The following COX15 variants were observed in gnomAD, a reference collection of about 807,000 sequenced individuals.
COX15 encodes the protein cytochrome c oxidase assembly factor COX15.
Under a neutral mutation model 51.9 loss-of-function variants are expected in COX15, and 51 were observed. The ratio of observed to expected loss-of-function variants is 0.98; its 90% CI spans 0.78 to 1.24. The LOEUF (loss-of-function observed/expected upper bound fraction) is 1.24. COX15 is among the 50% of genes most tolerant of loss of function. The probability of loss-of-function intolerance (pLI) is 0.00; values close to 1 mark genes in which losing one functional copy is unlikely to be tolerated. For missense variants in COX15, 420 were observed against 501.1 expected (o/e 0.84, Z 1.55); for synonymous variants, 188 against 190.5 (o/e 0.99, Z 0.11).
rs747635630 is a variant in COX15, at chr10:99,718,364, C to G, written c.969G>C (p.Gln323His). 1.9e-6 allele frequency: 3 copies of G among 1,614,026 alleles called. No individual in the cohort carries two copies. In the African/African-American group the frequency reaches 4.0e-5, roughly 22 times the overall value. Reference sequence around the variant, plus strand: ...CACTTACCAGAATCCGGTGATCAAACTGCACCATGGTGGGATTCTCAAAAA... The same window carrying G: ...CACTTACCAGAATCCGGTGATCAAAGTGCACCATGGTGGGATTCTCAAAAA... ...RNVFENPTMV[Q>H]FDHRILGITS... Residue 323 changes from glutamine (Q) to histidine (H), a missense_variant, in exon 7 of 9, where the codon CAG becomes CAC. Coordinates refer to ENST00000016171, the MANE Select transcript of COX15 (RefSeq NM_078470.6).
At chr10:99,706,424 C>T (rs1406022783), downstream of COX15, among the ~76,000 whole-genome samples, 2 of 152,030 alleles carry the variant, frequency 1.3e-5, no homozygotes, top group Admixed American at 6.6e-5. Flanking sequence ...CAGCCTCAAC[C>T]TCCTGGGCTC....
chr10:99,725,046 A>G (rs1288696893), intron 4 of COX15, among the ~76,000 whole-genome samples: 2 of 152,244 alleles, frequency 1.3e-5, no homozygotes, highest in African/African-American at 2.4e-5. Flanking sequence ...GTTGGTAATG[A>G]ACGTACAGAT....
rs1457687053 is a variant in COX15 at position 99,712,654 on chromosome 10, A to G, written c.*1933T>C. On this transcript the variant is annotated 3_prime_UTR_variant, in exon 9 of 9. Transcript: ENST00000016171. Reference sequence around the variant, plus strand: ...TTCAAAAAGCAAAACAAAAACCCAGAAGATCTAACAACCCTGGACCTGTAG... The same window carrying G: ...TTCAAAAAGCAAAACAAAAACCCAGGAGATCTAACAACCCTGGACCTGTAG... The G allele has an allele frequency of 1.3e-5, 13 of 973,676 alleles. No individual in the cohort carries two copies. The African/African-American group carries it at 2.3e-4, about 17-fold the overall frequency. The allele number at this position is 973,676 out of a possible 1,614,324, so 60.3% of individuals were successfully genotyped here.
intron 6 of COX15, 123 bp from the exon 7 acceptor site, chr10:99,718,623 A>C (rs1187072449): frequency 1.0e-6 from 1 of 982,352 alleles, no homozygotes; most frequent in East Asian, 2.4e-5. Flanking sequence ...AGAATAATAG[A>C]CATATCTGCA....
the COX15 span, among the ~76,000 whole-genome samples, chr10:99,699,405 T>C: frequency 6.6e-6 from 1 of 152,190 alleles, no homozygotes; most frequent in Non-Finnish European, 1.5e-5. Context: ...TCTGAGCATA[T>C]ATAGGACTTA....
At chr10:99,697,681 G>A in the COX15 span, 1 of 159,844 alleles carries the variant, frequency 6.3e-6, no homozygotes, top group African/African-American at 2.4e-5. Context: ...GTCGGTTCCA[G>A]TTGTTGTAAA....
In COX15 at chr10:99,715,986, CTT is replaced by C. The variant is rs35354032; in HGVS notation, c.1101+360_1101+361del. 3.4e-3 allele frequency among the ~76,000 whole-genome samples: 437 copies of C among 130,144 alleles called. 3 individuals carry two copies. The highest frequency in any genetic ancestry group is 4.8e-3 in the Admixed American group (59 of 12,388). 85.4% of individuals were successfully genotyped at this position (130,144 alleles called of 152,430 possible). On this transcript the variant is annotated intron_variant, in intron 8 of 8. Transcript: ENST00000016171. The stretch of plus-strand genomic sequence containing the variant: ...ATTTTCTCCTAGTCTGTCACCTTTC[CTT>C]TTTTTTTTTTTTTTTTTTAAACAGA...
Position 99,713,435 on chromosome 10 carries a change from A to T in COX15, c.*1152T>A. ...CAAATCAGATGTTTCTGATGCCTTC[A>T]TCCAAATCACTGATTTTAAAAGTAA... On this transcript the variant is annotated 3_prime_UTR_variant, in exon 9 of 9. Coordinates refer to ENST00000016171, the MANE Select transcript of COX15 (RefSeq NM_078470.6). 1 of 1,613,944 alleles carries T rather than the reference A, an allele frequency of 6.2e-7. No homozygotes were observed. The highest frequency in any genetic ancestry group is 8.5e-7 in the Non-Finnish European group (1 of 1,179,992).
Position 99,711,116 on chromosome 10 carries a change from G to A in COX15, c.*3471C>T. 1.0e-6 allele frequency: 1 copy of A among 984,318 alleles called. No individual in the cohort carries two copies. The highest frequency in any genetic ancestry group is 1.2e-6 in the Non-Finnish European group (1 of 829,376). The allele number at this position is 984,318 out of a possible 1,614,324, so 61.0% of individuals were successfully genotyped here. ...AACATAAATACAAAAAAAACCCTAA[G>A]ATAATCATTCACCAGAAGCTCATAG... On this transcript the variant is annotated 3_prime_UTR_variant, in exon 9 of 9. Transcript: ENST00000016171.
intron 8 of COX15, 59 bp from the exon 9 acceptor site, chr10:99,714,777 T>C (rs1309732292): frequency 5.6e-6 from 9 of 1,606,132 alleles, no homozygotes; most frequent in Non-Finnish European, 7.6e-6. Flanking sequence ...ACATTGAAAA[T>C]GGCCAGGCGT....
At chr10:99,710,422 A>G (rs1344556421), downstream of COX15, 1 of 980,708 alleles carries the variant, frequency 1.0e-6, no homozygotes, top group African/African-American at 1.8e-5. Context: ...TGCGGAGTGT[A>G]GTGAAAGACA....
intron 4 of COX15, among the ~76,000 whole-genome samples, chr10:99,726,249 A>G (rs185507711): frequency 6.6e-6 from 1 of 152,286 alleles, no homozygotes; most frequent in East Asian, 1.9e-4. Flanking sequence ...TCTTTCCTAT[A>G]GCAGACAAGT....
At chr10:99,708,744 C>A, downstream of COX15, 1 of 776,230 alleles carries the variant, frequency 1.3e-6, no homozygotes, top group Non-Finnish European at 1.6e-6. Flanking sequence ...TCTGGTCAAC[C>A]CCCTTGATTT....
the COX15 span, chr10:99,698,832 G>A: frequency 1.2e-6 from 2 of 1,603,726 alleles, no homozygotes; most frequent in South Asian, 1.1e-5. Context: ...CCGCTACCAT[G>A]GGCCAACATT....
chr10:99,719,041 G>A (rs1006308670), intron 6 of COX15, among the ~76,000 whole-genome samples: 5 of 152,094 alleles, frequency 3.3e-5, no homozygotes, highest in Non-Finnish European at 2.9e-5. Flanking sequence ...TGCGTTATCT[G>A]TCTTCCCCAA....
downstream of COX15, chr10:99,708,737 G>C: frequency 2.8e-6 from 2 of 726,048 alleles, no homozygotes; most frequent in Non-Finnish European, 3.4e-6. Context: ...TAAAGCTTCT[G>C]GTCAACCCCC....
intron 8 of COX15, among the ~76,000 whole-genome samples, chr10:99,715,934 TTTTAA>T (rs1390042243): frequency 6.6e-6 from 1 of 151,998 alleles, no homozygotes; most frequent in Admixed American, 6.6e-5. Flanking sequence ...GTTATTAATC[TTTTAA>T]TTTATTATAA....
chr10:99,703,585 C>A, the COX15 span, among the ~76,000 whole-genome samples: 3 of 152,234 alleles, frequency 2.0e-5, no homozygotes, highest in East Asian at 5.8e-4. Context: ...TGAAGAGTGG[C>A]TTCTGTTCTA....
chr10:99,714,166 AT>A lies in COX15; in HGVS notation c.*420del. On this transcript the variant is annotated 3_prime_UTR_variant, in exon 9 of 9. Coordinates refer to ENST00000016171, the MANE Select transcript of COX15 (RefSeq NM_078470.6). ...TGGCTACTTTGGGTATGTCAATCCT[AT>A]CCTTTCAATCTTCACCTAATGGAAG... The A allele has an allele frequency of 9.5e-7, 1 of 1,050,596 alleles. No homozygotes were observed. Among genetic ancestry groups the A allele is most frequent in the Non-Finnish European group, 1.2e-6 (1 of 869,234 alleles). The allele number at this position is 1,050,596 out of a possible 1,614,324, so 65.1% of individuals were successfully genotyped here.
Sources: allele counts gnomAD v4.1 joint callset (sites outside exome capture counted in the v4.1 genomes callset), GRCh38; gene constraint gnomAD v4.1.1; transcripts MANE v1.5; gene names NCBI Gene and HGNC (gene_info 2026-07-23, HGNC 2026-07-21).